The following TBC1D22B variants were observed in gnomAD, a reference collection of about 807,000 sequenced individuals.
The protein encoded by TBC1D22B is chromosome 6 open reading frame 197.
Under a neutral mutation model 69.1 loss-of-function variants are expected in TBC1D22B, and 32 were observed. The ratio of observed to expected loss-of-function variants is 0.46; its 90% CI spans 0.35 to 0.62. The LOEUF is 0.62. Among genes scored for constraint, TBC1D22B ranks in the 20% least tolerant of loss-of-function variants. The pLI is 0.00. For synonymous variants in TBC1D22B, 206 were observed against 229.8 expected (o/e 0.90, Z 0.94); for missense variants, 462 against 630.9 (o/e 0.73, Z 2.87).
intron 12 of TBC1D22B, among the ~76,000 whole-genome samples, chr6:37,318,593 G>T (rs2113786985): frequency 1.3e-5 from 2 of 152,288 alleles, no homozygotes; most frequent in African/African-American, 4.8e-5. Context: ...CAGAGAAGGG[G>T]ACCAGGGCCC....
chr6:37,315,445 T>G (rs1768049249), intron 10 of TBC1D22B, among the ~76,000 whole-genome samples: 2 of 152,034 alleles, frequency 1.3e-5, no homozygotes, highest in African/African-American at 4.8e-5. Flanking sequence ...TAGTCCCAGC[T>G]ACTCAGGAGG....
At position 37,324,655 on chromosome 6, in the gene TBC1D22B, CA is replaced by C. The variant is rs928175018; in HGVS notation, c.1390-6378del. Among the ~76,000 whole-genome samples, 305 of 144,658 alleles carry C rather than the reference CA, an allele frequency of 2.1e-3. 3 individuals are homozygous for C. Among genetic ancestry groups the C allele is most frequent in the Non-Finnish European group, 2.8e-3 (186 of 65,436 alleles). The allele number at this position is 144,658 out of a possible 152,430, so 94.9% of individuals were successfully genotyped here. A position where few individuals can be genotyped will look rare whatever the true frequency, so the allele number is the denominator to read the frequency against. On this transcript the variant is annotated intron_variant, in intron 12 of 12. Transcript: ENST00000373491. ...ATGACTAAATAAAAGTAAAAATGAA[CA>C]AAAAAAAAAAGTGAATGCTTCTAGA... is the stretch of plus-strand genomic sequence containing the variant.
At chr6:37,289,610 G>C (rs1767115723) in intron 7 of TBC1D22B, among the ~76,000 whole-genome samples, 1 of 152,198 alleles carries the variant, frequency 6.6e-6, no homozygotes, top group South Asian at 2.1e-4. Context: ...TTTACAAGGG[G>C]CTGATCCTAT....
intron 1 of TBC1D22B, among the ~76,000 whole-genome samples, chr6:37,267,461 CA>C (rs1177445889): frequency 3.5e-4 from 46 of 131,938 alleles, no homozygotes; most frequent in African/African-American, 1.2e-3. Flanking sequence ...TATATATACA[CA>C]TATATATAAT....
At chr6:37,266,307 C>T (rs919350325) in intron 1 of TBC1D22B, among the ~76,000 whole-genome samples, 1 of 152,186 alleles carries the variant, frequency 6.6e-6, no homozygotes, top group Non-Finnish European at 1.5e-5. Context: ...CTTTCAGATA[C>T]TCTGATATTC....
At chr6:37,330,431 G>A (rs1299577948) in intron 12 of TBC1D22B, among the ~76,000 whole-genome samples, 1 of 151,858 alleles carries the variant, frequency 6.6e-6, no homozygotes, top group African/African-American at 2.4e-5. Flanking sequence ...GTAGAGACAG[G>A]TTTCACTGTG....
At chr6:37,305,131 C>G (rs1767670984) in intron 8 of TBC1D22B, among the ~76,000 whole-genome samples, 1 of 152,180 alleles carries the variant, frequency 6.6e-6, no homozygotes, top group Non-Finnish European at 1.5e-5. Context: ...ATTGTGCTCG[C>G]CCCCCACGCT....
At chr6:37,311,926 A>G (rs1767923634) in intron 8 of TBC1D22B, among the ~76,000 whole-genome samples, 1 of 152,170 alleles carries the variant, frequency 6.6e-6, no homozygotes, top group Admixed American at 6.5e-5. Context: ...CCTCTCTGTG[A>G]CAGGAAGTGG....
At chr6:37,303,773 C>T (rs115847809) in intron 8 of TBC1D22B, among the ~76,000 whole-genome samples, 26 of 152,314 alleles carry the variant, frequency 1.7e-4, no homozygotes, top group Admixed American at 4.6e-4. Context: ...AATCTTTGTG[C>T]ACCCTTTAAG....
chr6:37,258,576 A>G (rs1246329970), intron 1 of TBC1D22B, among the ~76,000 whole-genome samples: 1 of 152,202 alleles, frequency 6.6e-6, no homozygotes, highest in Non-Finnish European at 1.5e-5. Flanking sequence ...GCATTTTCTA[A>G]GGATTTGTCC....
intron 8 of TBC1D22B, among the ~76,000 whole-genome samples, chr6:37,299,401 G>A (rs1278290887): frequency 6.6e-6 from 1 of 152,114 alleles, no homozygotes; most frequent in Non-Finnish European, 1.5e-5. Flanking sequence ...GGAATTTTAT[G>A]TAGTCCAACC....
chr6:37,300,835 AC>A (rs1301167756), intron 8 of TBC1D22B, among the ~76,000 whole-genome samples: 1 of 152,118 alleles, frequency 6.6e-6, no homozygotes, highest in Non-Finnish European at 1.5e-5. Context: ...CATGAGGTCT[AC>A]CCTCTTAACA....
At position 37,282,382 on chromosome 6, in the gene TBC1D22B, C is replaced by T; in HGVS notation, c.601+18C>T. 6.4e-7 allele frequency: 1 copy of T among 1,570,844 alleles called. No homozygotes were observed. Among genetic ancestry groups the T allele is most frequent in the Admixed American group, 1.8e-5 (1 of 54,344 alleles). On this transcript the variant is annotated intron_variant, in intron 4 of 12. Transcript: ENST00000373491. Reference sequence around the variant, plus strand: ...TGACTTAGGTGAGTCCCTGTGAGCCCAGGCAAGGTAGGAGCTTTGGGTGAC... The same window carrying T: ...TGACTTAGGTGAGTCCCTGTGAGCCTAGGCAAGGTAGGAGCTTTGGGTGAC...
intron 2 of TBC1D22B, among the ~76,000 whole-genome samples, chr6:37,271,751 T>C (rs1766490229): frequency 6.6e-6 from 1 of 152,168 alleles, no homozygotes; most frequent in Non-Finnish European, 1.5e-5. Context: ...TCTATAATTC[T>C]ACCAACTTGT....
chr6:37,316,307 A>G (rs1768076814), intron 10 of TBC1D22B, among the ~76,000 whole-genome samples: 1 of 152,224 alleles, frequency 6.6e-6, no homozygotes, highest in African/African-American at 2.4e-5. Flanking sequence ...GGGATGCTGA[A>G]GAGGAGTTCC....
At chr6:37,288,714 C>T (rs1340459449) in intron 7 of TBC1D22B, among the ~76,000 whole-genome samples, 1 of 149,932 alleles carries the variant, frequency 6.7e-6, no homozygotes, top group Non-Finnish European at 1.5e-5. Flanking sequence ...TGCACTCCAG[C>T]CTGGGTGACA....
chr6:37,327,500 A>AC (rs1768457898), intron 12 of TBC1D22B, among the ~76,000 whole-genome samples: 1 of 93,882 alleles, frequency 1.1e-5, no homozygotes, highest in Non-Finnish European at 2.0e-5. Flanking sequence ...AAAAAAAAAA[A>AC]AAAAAATAAG....
chr6:37,325,229 A>G (rs1035239893), intron 12 of TBC1D22B, among the ~76,000 whole-genome samples: 1 of 151,862 alleles, frequency 6.6e-6, no homozygotes, highest in Admixed American at 6.6e-5. Flanking sequence ...TCCTGTGTGA[A>G]TTTTCAGCAG....
intron 1 of TBC1D22B, among the ~76,000 whole-genome samples, chr6:37,264,756 A>G (rs548702381): frequency 6.0e-4 from 91 of 152,314 alleles, no homozygotes; most frequent in African/African-American, 2.1e-3. Context: ...TTTGAAGAGA[A>G]TGTTGCAGGA....
Sources: gnomAD v4.1 joint callset for allele counts (sites outside exome capture counted in the v4.1 genomes callset) on GRCh38, gnomAD v4.1.1 for gene constraint, MANE v1.5 for transcripts, NCBI Gene and HGNC (gene_info 2026-07-23, HGNC 2026-07-21) for gene names.